Variants in SKAP2 observed in about 807,000 individuals in gnomAD.
SKAP2 encodes the protein src kinase associated phosphoprotein 2, also known as src kinase-associated phosphoprotein 2.
SKAP2 carries 28 observed loss-of-function variants against 54.9 expected under a neutral mutation model. That is an observed-to-expected ratio of 0.51 (90% CI 0.38 to 0.70). SKAP2 has a LOEUF of 0.70. SKAP2 is among the 30% of genes least tolerant of loss of function. The pLI, the probability that SKAP2 is intolerant of heterozygous loss-of-function variation, is 0.00. For synonymous variants in SKAP2, 137 were observed against 134.3 expected (o/e 1.02, Z -0.14); for missense variants, 356 against 424.1 (o/e 0.84, Z 1.41).
chr7:26,801,616 T>A lies in SKAP2; in HGVS notation c.307+42414A>T, dbSNP rs570846195. 3.9e-5 allele frequency among the ~76,000 whole-genome samples: 6 copies of A among 152,046 alleles called. No individual in the cohort carries two copies. The East Asian group carries it at 9.7e-4, about 25-fold the overall frequency. On this transcript the variant is annotated intron_variant, in intron 4 of 12. Coordinates refer to ENST00000345317, the MANE Select transcript of SKAP2 (RefSeq NM_003930.5). ...CTTATATTTGGAAAAACCTAAAGAC[T>A]CCACAAAGAAACTACTAGAACTGAG...
chr7:26,844,616 T>C (rs537235090), intron 3 of SKAP2, among the ~76,000 whole-genome samples: 1 of 152,322 alleles, frequency 6.6e-6, no homozygotes, highest in Non-Finnish European at 1.5e-5. Context: ...TGTATGAATA[T>C]TTTGTATAAA....
At chr7:26,673,047 T>C (rs1786276381) in intron 11 of SKAP2, among the ~76,000 whole-genome samples, 1 of 152,000 alleles carries the variant, frequency 6.6e-6, no homozygotes, top group Non-Finnish European at 1.5e-5. Flanking sequence ...CACAAACTAA[T>C]TATAGTATTG....
At chr7:26,789,853 G>T (rs779551284) in intron 4 of SKAP2, among the ~76,000 whole-genome samples, 3 of 152,128 alleles carry the variant, frequency 2.0e-5, no homozygotes, top group Non-Finnish European at 4.4e-5. Context: ...CCTCCTAAGC[G>T]TTGTGCCAAA....
In SKAP2 at chr7:26,829,020, C is replaced by G. The variant is rs143516641; in HGVS notation, c.307+15010G>C. ...CTCCAGCCTGGGCGACAGAGCGAGACTCTGTCTCAAAAAAATAAATAAATA... is the reference window on the plus strand; with the variant it reads ...CTCCAGCCTGGGCGACAGAGCGAGAGTCTGTCTCAAAAAAATAAATAAATA... On this transcript the variant is annotated intron_variant, in intron 4 of 12. Transcript: ENST00000345317. Among the ~76,000 whole-genome samples, 40 of 151,726 alleles carry G rather than the reference C, an allele frequency of 2.6e-4. No individual in the cohort carries two copies. In the East Asian group the frequency reaches 5.6e-3, roughly 21 times the overall value.
intron 4 of SKAP2, among the ~76,000 whole-genome samples, chr7:26,804,248 T>C (rs1263719077): frequency 1.3e-5 from 2 of 152,126 alleles, no homozygotes; most frequent in Admixed American, 6.5e-5. Context: ...ACATCTACTA[T>C]ATACCCACAA....
intron 4 of SKAP2, among the ~76,000 whole-genome samples, chr7:26,767,561 G>A (rs117190176): frequency 0.077 from 11,723 of 152,060 alleles, 570 homozygotes; most frequent in Middle Eastern, 0.16. Context: ...TTAGGTTGTC[G>A]ATTTTAGATC....
chr7:26,753,477 G>T (rs1350319743), intron 4 of SKAP2, among the ~76,000 whole-genome samples: 1 of 152,092 alleles, frequency 6.6e-6, no homozygotes, highest in African/African-American at 2.4e-5. Flanking sequence ...TCAATATACA[G>T]ATAAAACACA....
intron 4 of SKAP2, among the ~76,000 whole-genome samples, chr7:26,749,151 T>A (rs1047030012): frequency 6.6e-6 from 1 of 152,098 alleles, no homozygotes; most frequent in Non-Finnish European, 1.5e-5. Flanking sequence ...AATAAAAACA[T>A]GAATGTTAAA....
intron 4 of SKAP2, among the ~76,000 whole-genome samples, chr7:26,769,869 C>A (rs1474137906): frequency 1.3e-5 from 2 of 152,128 alleles, no homozygotes; most frequent in Non-Finnish European, 2.9e-5. Context: ...CCAGAGCTGT[C>A]CCATATGAGG....
At chr7:26,842,052 T>C (rs1433193776) in intron 4 of SKAP2, among the ~76,000 whole-genome samples, 1 of 151,880 alleles carries the variant, frequency 6.6e-6, no homozygotes, top group Admixed American at 6.6e-5. Context: ...AACTGATACA[T>C]TGAGATGATA....
chr7:26,758,570 C>T (rs146512259), intron 4 of SKAP2, among the ~76,000 whole-genome samples: 18 of 152,248 alleles, frequency 1.2e-4, no homozygotes, highest in African/African-American at 3.9e-4. Context: ...CACCTTTCTC[C>T]ACTTACCCAC....
At chr7:26,675,056 A>G (rs1366977478) in intron 11 of SKAP2, among the ~76,000 whole-genome samples, 1 of 152,090 alleles carries the variant, frequency 6.6e-6, no homozygotes, top group Non-Finnish European at 1.5e-5. Context: ...ATTCCACTTT[A>G]TTCTCACTGG....
intron 6 of SKAP2, among the ~76,000 whole-genome samples, chr7:26,736,660 G>A (rs1787949951): frequency 6.6e-6 from 1 of 152,076 alleles, no homozygotes; most frequent in African/African-American, 2.4e-5. Flanking sequence ...ATTCTTTCTT[G>A]CATGAGATCC....
intron 11 of SKAP2, among the ~76,000 whole-genome samples, chr7:26,679,172 T>A (rs541054760): frequency 1.3e-5 from 2 of 152,278 alleles, no homozygotes; most frequent in South Asian, 4.1e-4. Context: ...CCTTCTGGCT[T>A]TTCCTCTACC....
intron 4 of SKAP2, among the ~76,000 whole-genome samples, chr7:26,770,100 T>C (rs1005501646): frequency 6.6e-6 from 1 of 152,192 alleles, no homozygotes; most frequent in Non-Finnish European, 1.5e-5. Flanking sequence ...GGGAGAGTTT[T>C]ATCTATAAGC....
chr7:26,678,632 G>A (rs1786411561), intron 11 of SKAP2, among the ~76,000 whole-genome samples: 1 of 151,798 alleles, frequency 6.6e-6, no homozygotes, highest in East Asian at 1.9e-4. Context: ...GTAGAGACGG[G>A]GTTTCACCAT....
At chr7:26,802,549 G>A (rs1783938167) in intron 4 of SKAP2, among the ~76,000 whole-genome samples, 1 of 152,088 alleles carries the variant, frequency 6.6e-6, no homozygotes, top group Non-Finnish European at 1.5e-5. Context: ...GGGATTATAG[G>A]CATGAGCCAC....
intron 4 of SKAP2, among the ~76,000 whole-genome samples, chr7:26,802,676 A>T (rs1783940232): frequency 6.6e-6 from 1 of 151,928 alleles, no homozygotes; most frequent in Admixed American, 6.5e-5. Flanking sequence ...AGGTCAAGAG[A>T]TTGAGACCAT....
chr7:26,699,040 G>C (rs1198946380), intron 9 of SKAP2, among the ~76,000 whole-genome samples: 1 of 152,098 alleles, frequency 6.6e-6, no homozygotes, highest in Non-Finnish European at 1.5e-5. Flanking sequence ...ACTGACCAAA[G>C]CATGTTACAA....
Sources: allele counts gnomAD v4.1 joint callset (sites outside exome capture counted in the v4.1 genomes callset), GRCh38; gene constraint gnomAD v4.1.1; transcripts MANE v1.5; gene names NCBI Gene and HGNC (gene_info 2026-07-23, HGNC 2026-07-21).